CNOT2: variants seen among roughly 807,000 people sequenced by gnomAD.
CNOT2 encodes CC chemokine receptor 4-negative regulator of transcription 2.
CNOT2 carries 7 observed loss-of-function variants against 72.1 expected under a neutral mutation model. The ratio of observed to expected loss-of-function variants is 0.10; its 90% confidence interval spans 0.06 to 0.18. The LOEUF is 0.18. Among genes scored for constraint, CNOT2 ranks in the 10% least tolerant of loss-of-function variants. CNOT2 has a pLI of 1.00. For missense variants in CNOT2, 345 were observed against 660.3 expected, an observed-to-expected ratio of 0.52 and a Z score of 5.23; for synonymous variants, 196 against 225.6, an observed-to-expected ratio of 0.87 and a Z score of 1.17.
chr12:70,346,368 A>G (rs1411224208), intron 15 of CNOT2, 44 bp downstream of exon 15: 30 of 1,512,468 alleles, frequency 2.0e-5, no homozygotes, highest in Non-Finnish European at 2.7e-5. Flanking sequence ...TAAACTTGAA[A>G]AAAGAAGTGT....
chr12:70,313,435 G>A (rs978186136), intron 3 of CNOT2, among the ~76,000 whole-genome samples: 1 of 151,882 alleles, frequency 6.6e-6, no homozygotes, highest in Non-Finnish European at 1.5e-5. Flanking sequence ...TCATACTTAG[G>A]AAGACATTTC....
intron 15 of CNOT2, among the ~76,000 whole-genome samples, chr12:70,353,375 C>G (rs904278333): frequency 2.6e-5 from 4 of 151,950 alleles, no homozygotes; most frequent in African/African-American, 9.7e-5. Context: ...GTGCGCGGCC[C>G]TGCTTATTTT....
chr12:70,257,687 T>C (rs147080358), intron 1 of CNOT2, among the ~76,000 whole-genome samples: 172 of 152,148 alleles, frequency 1.1e-3, no homozygotes, highest in African/African-American at 3.4e-3. Flanking sequence ...TTTTCTTAAG[T>C]AGACTCTTCT....
chr12:70,264,409 C>A (rs2066229230), intron 1 of CNOT2, among the ~76,000 whole-genome samples: 1 of 152,186 alleles, frequency 6.6e-6, no homozygotes, highest in African/African-American at 2.4e-5. Context: ...TTTTAGAGTT[C>A]TCTGCTCTTA....
Position 70,354,609 on chromosome 12 carries a change from A to T in CNOT2, c.*694A>T, listed in dbSNP as rs1032923314. 2.0e-5 allele frequency: 3 copies of T among 152,496 alleles called. No individual in the cohort carries two copies. Among genetic ancestry groups the T allele is most frequent in the Non-Finnish European group, 4.4e-5 (3 of 68,032 alleles). The allele number at this position is 152,496 out of a possible 1,614,324, so 9.4% of individuals were successfully genotyped here. Reference sequence around the variant, plus strand: ...TGTAATAAATGTGTACATTTTTTTTAAATTTTTGGACATCACATGAATAAA... The same window carrying T: ...TGTAATAAATGTGTACATTTTTTTTTAATTTTTGGACATCACATGAATAAA... On this transcript the variant is annotated 3_prime_UTR_variant, in exon 16 of 16. Transcript: ENST00000229195.
chr12:70,258,851 A>G (rs1031723366), intron 1 of CNOT2, among the ~76,000 whole-genome samples: 2 of 152,224 alleles, frequency 1.3e-5, no homozygotes, highest in Non-Finnish European at 2.9e-5. Flanking sequence ...AACAAAGAAC[A>G]AAAAACCTGA....
intron 4 of CNOT2, among the ~76,000 whole-genome samples, chr12:70,329,082 T>C (rs928112018): frequency 6.6e-6 from 1 of 151,946 alleles, no homozygotes; most frequent in African/African-American, 2.4e-5. Context: ...GGCCTCTTTG[T>C]ATATACACAT....
chr12:70,322,258 A>C (rs1019422552), intron 4 of CNOT2: 2 of 151,818 alleles, frequency 1.3e-5, no homozygotes, highest in Admixed American at 6.6e-5. Context: ...TTTTGCCTGA[A>C]ATCACAGTTT....
intron 2 of CNOT2, among the ~76,000 whole-genome samples, chr12:70,294,835 T>C (rs1872569015): frequency 6.6e-6 from 1 of 152,234 alleles, no homozygotes; most frequent in Non-Finnish European, 1.5e-5. Flanking sequence ...CTGGAACATT[T>C]CTACCAATCT....
chr12:70,265,794 C>T (rs1011582041), intron 1 of CNOT2, among the ~76,000 whole-genome samples: 4 of 151,962 alleles, frequency 2.6e-5, no homozygotes, highest in Non-Finnish European at 5.9e-5. Context: ...AATTTGGTTA[C>T]ATCCTACAGA....
chr12:70,318,960 C>T (rs560713609), intron 3 of CNOT2: 1 of 168,082 alleles, frequency 5.9e-6, no homozygotes, highest in African/African-American at 2.4e-5. Context: ...CCATGAAGTT[C>T]ACATCACAAA....
rs1386355168 is a variant in CNOT2 at position 70,276,243 on chromosome 12, A to T, written c.-95-1889A>T. On this transcript the variant is annotated intron_variant, in intron 1 of 15. Transcript: ENST00000229195. ...CAGTCATTATTTTTTGTATATAATT[A>T]GGTTGTATTAAAGATGTATACAGCA... 2.1e-4 allele frequency among the ~76,000 whole-genome samples: 32 copies of T among 152,106 alleles called. No homozygotes were observed. In the East Asian group the frequency reaches 6.0e-3, roughly 28 times the overall value.
chr12:70,302,926 ATAGT>A (rs749933373), intron 2 of CNOT2, among the ~76,000 whole-genome samples: 130 of 152,246 alleles, frequency 8.5e-4, no homozygotes, highest in Admixed American at 1.5e-3. Flanking sequence ...TATATTTAGG[ATAGT>A]TAGTTCTTCT....
At chr12:70,324,767 A>G (rs1431607841) in intron 4 of CNOT2, among the ~76,000 whole-genome samples, 4 of 151,884 alleles carry the variant, frequency 2.6e-5, no homozygotes, top group Non-Finnish European at 5.9e-5. Flanking sequence ...CTTAGCACCT[A>G]GAAGGCAAAG....
intron 13 of CNOT2, 91 bp from the exon 14 acceptor site, chr12:70,344,037 A>C: frequency 1.4e-6 from 1 of 729,726 alleles, no homozygotes; most frequent in Non-Finnish European, 2.2e-6. Context: ...GTTTCTGTTT[A>C]TCTCTCCATT....
intron 1 of CNOT2, among the ~76,000 whole-genome samples, chr12:70,277,649 T>A (rs1215703104): frequency 6.6e-6 from 1 of 152,206 alleles, no homozygotes; most frequent in Non-Finnish European, 1.5e-5. Context: ...TTTTGTTGCA[T>A]GGGAATAAAC....
At chr12:70,270,792 G>A (rs1018069440) in intron 1 of CNOT2, among the ~76,000 whole-genome samples, 1 of 152,062 alleles carries the variant, frequency 6.6e-6, no homozygotes, top group African/African-American at 2.4e-5. Context: ...TGCCTAACAA[G>A]AATCAGTTTT....
rs1235542244 is a variant in CNOT2, at chr12:70,266,600, G to C, written c.-95-11532G>C. Among the ~76,000 whole-genome samples the C allele has an allele frequency of 2.6e-5, 4 of 152,116 alleles. No individual in the cohort carries two copies. In the East Asian group the frequency reaches 5.8e-4, roughly 22 times the overall value. ...CTCCTTTCAGGCTTATTAGTTTTTG[G>C]TATTTTTAACTTGAAGCTCTGTTGT... On this transcript the variant is annotated intron_variant, in intron 1 of 15. Coordinates refer to ENST00000229195, the MANE Select transcript of CNOT2 (RefSeq NM_014515.7).
rs1295482392 is a variant in CNOT2, at chr12:70,312,470, A to T, written c.171+1453A>T. 2.0e-5 allele frequency among the ~76,000 whole-genome samples: 3 copies of T among 151,954 alleles called. No individual in the cohort carries two copies. In the East Asian group the frequency reaches 5.8e-4, roughly 29 times the overall value. ...AAAGTATATAAAGAGAATGAATGAC[A>T]AAGAGATATATGTCTTCTCAAAAGC... On this transcript the variant is annotated intron_variant, in intron 3 of 15. Transcript: ENST00000229195.
Sources: allele counts gnomAD v4.1 joint callset (sites outside exome capture counted in the v4.1 genomes callset), GRCh38; gene constraint gnomAD v4.1.1; transcripts MANE v1.5; gene names NCBI Gene and HGNC (gene_info 2026-07-23, HGNC 2026-07-21).